Variants in CPSF4L observed in about 807,000 individuals in gnomAD.
The protein encoded by CPSF4L is cleavage and polyadenylation specific factor 4 like, also known as putative cleavage and polyadenylation specificity factor subunit 4-like protein.
A neutral mutation model predicts 24.0 loss-of-function variants in CPSF4L; 18 were observed. That is an observed-to-expected ratio of 0.75 (90% CI 0.52 to 1.11). The LOEUF (loss-of-function observed/expected upper bound fraction) is 1.11. CPSF4L is among the 50% of genes least tolerant of loss of function. The pLI, the probability that CPSF4L is intolerant of heterozygous loss-of-function variation, is 0.00. For synonymous variants in CPSF4L, 72 were observed against 77.2 expected (o/e 0.93, Z 0.35); for missense variants, 211 against 221.8 (o/e 0.95, Z 0.31).
intron 5 of CPSF4L, among the ~76,000 whole-genome samples, chr17:73,251,524 T>C (rs1266529798): frequency 6.6e-6 from 1 of 152,156 alleles, no homozygotes; most frequent in Non-Finnish European, 1.5e-5. Context: ...GCTTTTTCTA[T>C]AGAACACCAA....
intron 5 of CPSF4L, chr17:73,248,942 A>C: frequency 6.0e-6 from 1 of 166,906 alleles, no homozygotes; most frequent in South Asian, 1.5e-4. Flanking sequence ...TAATAAAATT[A>C]TTTGTAAAAT....
At chr17:73,245,720 G>A (rs897852504), downstream of CPSF4L, 2 of 985,256 alleles carry the variant, frequency 2.0e-6, no homozygotes, top group Non-Finnish European at 2.4e-6. Flanking sequence ...GGGCATTCGA[G>A]TTGCAGGTAA....
At chr17:73,261,543 C>T (rs1489897874) in intron 1 of CPSF4L, among the ~76,000 whole-genome samples, 173 bp downstream of exon 1, 1 of 152,180 alleles carries the variant, frequency 6.6e-6, no homozygotes, top group Non-Finnish European at 1.5e-5. Flanking sequence ...CGCCTGTAGT[C>T]CCAGCTCCTC....
chr17:73,249,159 C>T (rs2061990876), intron 5 of CPSF4L, among the ~76,000 whole-genome samples: 1 of 152,118 alleles, frequency 6.6e-6, no homozygotes, highest in African/African-American at 2.4e-5. Context: ...ATGGTAGGAA[C>T]TCATTGACAG....
chr17:73,249,887 A>G (rs752906335), intron 5 of CPSF4L: 24 of 183,416 alleles, frequency 1.3e-4, no homozygotes, highest in Non-Finnish European at 2.5e-4. Flanking sequence ...TTGCCAGTTG[A>G]TAGCGGCAGC....
At chr17:73,254,305 G>A (rs531147925) in intron 3 of CPSF4L, among the ~76,000 whole-genome samples, 1 of 152,354 alleles carries the variant, frequency 6.6e-6, no homozygotes, top group Admixed American at 6.5e-5. Context: ...TGGAACTGAA[G>A]GCCATTAGAG....
At chr17:73,243,459 CG>C (rs2061888172), downstream of CPSF4L, among the ~76,000 whole-genome samples, 1 of 151,976 alleles carries the variant, frequency 6.6e-6, no homozygotes, top group South Asian at 2.1e-4. Context: ...TGGCAGGCTC[CG>C]GGGTTTTATT....
downstream of CPSF4L, chr17:73,247,886 TAC>T (rs978334305): frequency 4.2e-4 from 66 of 155,556 alleles, no homozygotes; most frequent in African/African-American, 1.5e-3. Flanking sequence ...TGTAAATGTC[TAC>T]AGAGTAATGG....
chr17:73,246,033 C>T (rs1033069814), downstream of CPSF4L, among the ~76,000 whole-genome samples: 1 of 152,024 alleles, frequency 6.6e-6, no homozygotes, highest in Non-Finnish European at 1.5e-5. Flanking sequence ...TGCTTTGGCC[C>T]ACAGAGAGTA....
chr17:73,252,547 C>G, intron 5 of CPSF4L, 83 bp downstream of exon 5: 1 of 837,006 alleles, frequency 1.2e-6, no homozygotes, highest in Non-Finnish European at 2.0e-6. Flanking sequence ...CACTAAGGAC[C>G]AGCGAAGGTA....
At chr17:73,250,865 A>T (rs993675368) in intron 5 of CPSF4L, 2 of 815,702 alleles carry the variant, frequency 2.5e-6, no homozygotes, top group East Asian at 2.8e-5. Context: ...CCTAATTCAC[A>T]CTCCTATCTG....
intron 2 of CPSF4L, among the ~76,000 whole-genome samples, chr17:73,259,876 G>A (rs990311369): frequency 1.3e-5 from 2 of 152,156 alleles, no homozygotes; most frequent in African/African-American, 4.8e-5. Flanking sequence ...TAACCTAAAT[G>A]TATAGGCAAG....
chr17:73,254,836 G>C (rs1421861502), intron 3 of CPSF4L, among the ~76,000 whole-genome samples: 1 of 152,160 alleles, frequency 6.6e-6, no homozygotes, highest in East Asian at 1.9e-4. Context: ...TAGAGATGGG[G>C]TTTCACCATG....
the CPSF4L span, chr17:73,242,315 TTC>T: frequency 6.2e-7 from 1 of 1,605,076 alleles, no homozygotes; most frequent in Non-Finnish European, 8.5e-7. Context: ...AACCTCCAAC[TTC>T]TCTCTAATGA....
downstream of CPSF4L, among the ~76,000 whole-genome samples, chr17:73,246,408 C>T (rs949449196): frequency 4.6e-5 from 7 of 152,290 alleles, no homozygotes; most frequent in East Asian, 1.9e-4. Flanking sequence ...CAGTGGCACA[C>T]GCCTGTAGTC....
chr17:73,246,593 C>T (rs967999525), downstream of CPSF4L, among the ~76,000 whole-genome samples: 4 of 152,112 alleles, frequency 2.6e-5, no homozygotes, highest in Non-Finnish European at 4.4e-5. Context: ...ACTTGTATGT[C>T]GTTTCTCTCT....
chr17:73,243,077 A>ATTTT, the CPSF4L span: 8 of 438,548 alleles, frequency 1.8e-5, no homozygotes, highest in East Asian at 5.5e-5. Context: ...GATTCTCTGA[A>ATTTT]TTTTTTTTTT....
chr17:73,249,807 G>T (rs1009860748), intron 5 of CPSF4L: 5 of 157,154 alleles, frequency 3.2e-5, no homozygotes, highest in African/African-American at 9.6e-5. Context: ...AAGGTACAGA[G>T]TATATTCTTA....
chr17:73,261,843 G>A lies in CPSF4L; in HGVS notation c.-25C>T, dbSNP rs2062048039. 2 of 1,531,250 alleles carry A rather than the reference G, an allele frequency of 1.3e-6. No individual in the cohort carries two copies. Among genetic ancestry groups the A allele is most frequent in the East Asian group, 2.5e-5 (1 of 40,808 alleles). 94.9% of individuals were successfully genotyped at this position (1,531,250 alleles called of 1,614,324 possible). ...TCTTCCGTCTCCTGCTGGGGCTGCGGAAGCTGCTGGAACCCAGGCAGGTGG... is the reference window on the plus strand; with the variant it reads ...TCTTCCGTCTCCTGCTGGGGCTGCGAAAGCTGCTGGAACCCAGGCAGGTGG... On this transcript the variant is annotated 5_prime_UTR_variant, in exon 1 of 6. Transcript: ENST00000344935.
Sources: allele counts gnomAD v4.1 joint callset (sites outside exome capture counted in the v4.1 genomes callset), GRCh38; gene constraint gnomAD v4.1.1; transcripts MANE v1.5; gene names NCBI Gene and HGNC (gene_info 2026-07-23, HGNC 2026-07-21).